The following LIMS4 variants were observed in gnomAD, a reference collection of about 807,000 sequenced individuals.
LIMS4 encodes LIM zinc finger domain containing 4.
chr2:110,389,901 G>T, the LIMS4 span, among the ~76,000 whole-genome samples: 1 of 145,590 alleles, frequency 6.9e-6, no homozygotes, highest in Non-Finnish European at 1.5e-5. Flanking sequence ...ATGCAAAGAG[G>T]CCAGGCTGGG....
chr2:110,395,704 C>T, the LIMS4 span, among the ~76,000 whole-genome samples: 54 of 66,402 alleles, frequency 8.1e-4, 1 homozygote, highest in Middle Eastern at 4.6e-3. Flanking sequence ...GGCTACAGCG[C>T]GGTCCATGCT....
At chr2:110,425,781 C>A in the LIMS4 span, among the ~76,000 whole-genome samples, 3 of 139,218 alleles carry the variant, frequency 2.2e-5, no homozygotes, top group Admixed American at 7.0e-5. Context: ...CAGGGCCTTG[C>A]AGAAAGGAAC....
chr2:110,424,931 G>A, the LIMS4 span, among the ~76,000 whole-genome samples: 1 of 143,888 alleles, frequency 6.9e-6, no homozygotes, highest in African/African-American at 2.8e-5. Context: ...GGACAGAAAC[G>A]GAACATGGGA....
the LIMS4 span, among the ~76,000 whole-genome samples, chr2:110,365,934 A>G: frequency 9.1e-4 from 137 of 150,366 alleles, 2 homozygotes; most frequent in African/African-American, 3.4e-3. Context: ...CAAAATGTGG[A>G]AAAATTCCTG....
the LIMS4 span, chr2:110,376,260 A>G: frequency 2.2e-5 from 3 of 137,650 alleles, 1 homozygote; most frequent in South Asian, 6.6e-4. Context: ...GGAACTTTCA[A>G]TACAGCTTTG....
downstream of LIMS4, among the ~76,000 whole-genome samples, chr2:110,442,648 CATATATAT>C (rs1408023464): frequency 1.4e-5 from 2 of 143,256 alleles, no homozygotes; most frequent in Non-Finnish European, 3.0e-5. Context: ...CATATATATA[CATATATAT>C]ACACACATAT....
At chr2:110,366,264 TTGA>T in the LIMS4 span, among the ~76,000 whole-genome samples, 1 of 151,956 alleles carries the variant, frequency 6.6e-6, no homozygotes, top group Non-Finnish European at 1.5e-5. Flanking sequence ...GCCAATATCC[TTGA>T]TGAACACAGA....
intron 8 of LIMS4, among the ~76,000 whole-genome samples, chr2:110,447,562 C>G (rs1688183375): frequency 2.3e-4 from 1 of 4,318 alleles, no homozygotes; most frequent in Non-Finnish European, 6.7e-4. Flanking sequence ...TCAAGCGATT[C>G]TCCTGCCTCA....
the LIMS4 span, among the ~76,000 whole-genome samples, chr2:110,382,260 T>A: frequency 2.2e-5 from 1 of 46,140 alleles, no homozygotes; most frequent in Non-Finnish European, 3.6e-5. Flanking sequence ...AAGCAGCCAA[T>A]AAACATGAAA....
the LIMS4 span, chr2:110,383,047 C>T: frequency 2.3e-5 from 1 of 44,144 alleles, no homozygotes; most frequent in Non-Finnish European, 3.8e-5. Context: ...CCCGGAAGTG[C>T]TGCCTTGGAG....
At chr2:110,368,031 T>C in the LIMS4 span, among the ~76,000 whole-genome samples, 2 of 145,206 alleles carry the variant, frequency 1.4e-5, no homozygotes, top group Non-Finnish European at 3.0e-5. Context: ...ACGTAACATA[T>C]ATAAATATAT....
chr2:110,386,665 G>A, the LIMS4 span: 8 of 704,766 alleles, frequency 1.1e-5, no homozygotes, highest in Non-Finnish European at 1.7e-5. Flanking sequence ...CAGTGACAGT[G>A]GTGCCTCCTG....
At chr2:110,364,777 TA>T in the LIMS4 span, among the ~76,000 whole-genome samples, 1 of 128,774 alleles carries the variant, frequency 7.8e-6, no homozygotes. Context: ...ATGACACAGA[TA>T]GGCTCAAAGT....
the LIMS4 span, chr2:110,360,541 A>G: frequency 1.6e-6 from 1 of 633,954 alleles, no homozygotes; most frequent in Non-Finnish European, 2.5e-6. Context: ...TATACTGCAA[A>G]CTTTGTGTAA....
At chr2:110,378,975 TACACACAC>T in the LIMS4 span, among the ~76,000 whole-genome samples, 3 of 129,356 alleles carry the variant, frequency 2.3e-5, no homozygotes, top group Non-Finnish European at 3.3e-5. Flanking sequence ...GCTCTCTTTC[TACACACAC>T]ACACACACAC....
At chr2:110,392,264 C>T in the LIMS4 span, among the ~76,000 whole-genome samples, 1 of 150,600 alleles carries the variant, frequency 6.6e-6, no homozygotes, top group Non-Finnish European at 1.5e-5. Context: ...TTGCAGTACC[C>T]CGTCTCTACT....
chr2:110,382,128 TATATATATATATATATATA>T, the LIMS4 span, among the ~76,000 whole-genome samples: 1 of 99,148 alleles, frequency 1.0e-5, no homozygotes, highest in Non-Finnish European at 1.8e-5. Flanking sequence ...TATATATATA[TATATATATATATATATATA>T]TATACATGTT....
chr2:110,368,892 G>GTTT, the LIMS4 span, among the ~76,000 whole-genome samples: 50 of 135,124 alleles, frequency 3.7e-4, 1 homozygote, highest in African/African-American at 1.4e-3. Context: ...GTATGTAAAG[G>GTTT]TTTTTTTTTT....
chr2:110,407,596 G>A, the LIMS4 span, among the ~76,000 whole-genome samples: 3 of 136,658 alleles, frequency 2.2e-5, no homozygotes, highest in East Asian at 4.0e-4. Context: ...TTCCCTGCGT[G>A]TGAGGCCCAT....
Sources: gnomAD v4.1 joint callset for allele counts (sites outside exome capture counted in the v4.1 genomes callset) on GRCh38, gnomAD v4.1.1 for gene constraint, MANE v1.5 for transcripts, NCBI Gene and HGNC (gene_info 2026-07-23, HGNC 2026-07-21) for gene names.